CBLN2: variants seen among roughly 807,000 people sequenced by gnomAD.
The protein encoded by CBLN2 is cerebellin 2 precursor, also known as cerebellin-2.
CBLN2 carries 7 observed loss-of-function variants against 15.0 expected under a neutral mutation model. The ratio of observed to expected loss-of-function variants is 0.47; its 90% CI spans 0.27 to 0.88. The LOEUF (loss-of-function observed/expected upper bound fraction) is 0.88, where lower values mean the gene tolerates loss of function less well. Among genes scored for constraint, CBLN2 ranks in the 40% least tolerant of loss-of-function variants. The pLI is 0.14. For synonymous variants in CBLN2, 149 were observed against 135.2 expected (o/e 1.10, Z -0.71); for missense variants, 242 against 304.5 (o/e 0.79, Z 1.53).
intron 1 of CBLN2, chr18:72,638,260 TG>T (rs1223464466): frequency 5.0e-6 from 2 of 398,414 alleles, no homozygotes; most frequent in Non-Finnish European, 8.8e-6. Flanking sequence ...CCACAGTCTT[TG>T]GGAGCTGACC....
intron 1 of CBLN2, among the ~76,000 whole-genome samples, chr18:72,610,951 A>T (rs919200045): frequency 6.6e-6 from 1 of 151,798 alleles, no homozygotes; most frequent in South Asian, 2.1e-4. Flanking sequence ...GTCTGTGAGT[A>T]CCCCCTATTT....
chr18:72,628,514 A>T (rs564316274), intron 1 of CBLN2, among the ~76,000 whole-genome samples: 4 of 152,178 alleles, frequency 2.6e-5, no homozygotes, highest in Non-Finnish European at 5.9e-5. Context: ...CATTGGACGG[A>T]GATGGCCCGG....
At chr18:72,589,008 C>A (rs905049960) in intron 1 of CBLN2, among the ~76,000 whole-genome samples, 1 of 152,090 alleles carries the variant, frequency 6.6e-6, no homozygotes, top group African/African-American at 2.4e-5. Context: ...ATGAAATAAC[C>A]AAATACTGAA....
At chr18:72,553,100 T>C (rs1014543268) in intron 1 of CBLN2, among the ~76,000 whole-genome samples, 1 of 152,180 alleles carries the variant, frequency 6.6e-6, no homozygotes, top group African/African-American at 2.4e-5. Context: ...AAACATTGGA[T>C]TTTACAGAAT....
intron 1 of CBLN2, among the ~76,000 whole-genome samples, chr18:72,605,036 A>G (rs2069574223): frequency 6.6e-6 from 1 of 152,190 alleles, no homozygotes; most frequent in African/African-American, 2.4e-5. Context: ...TCTAGGAGAA[A>G]TGTCCCTCCA....
chr18:72,627,010 A>T (rs1375876644), intron 1 of CBLN2, among the ~76,000 whole-genome samples: 3 of 152,162 alleles, frequency 2.0e-5, no homozygotes, highest in Non-Finnish European at 1.5e-5. Flanking sequence ...TGGCTTTCCC[A>T]CTCAACGTTA....
At chr18:72,570,988 C>A (rs1268005571) in intron 1 of CBLN2, among the ~76,000 whole-genome samples, 3 of 151,716 alleles carry the variant, frequency 2.0e-5, no homozygotes, top group Admixed American at 1.3e-4. Context: ...TACCTTATAT[C>A]TCTCTCTATA....
At position 72,541,870 on chromosome 18, in the gene CBLN2, G is replaced by A; in HGVS notation, c.291C>T (p.Ala97=). Residue 97 remains alanine (A), a synonymous_variant, in exon 3 of 5, where the codon GCC becomes GCT. Transcript: ENST00000269503. The part of the protein sequence containing the change: ...RSGSAKVAFS[A]TRSTNHEPSE... ...ACGGCTCGTGGTTGGTGCTCCGCGTGGCGGAGAAGGCCACCTTGGCGCTGC... is the reference window on the plus strand; with the variant it reads ...ACGGCTCGTGGTTGGTGCTCCGCGTAGCGGAGAAGGCCACCTTGGCGCTGC... 1 of 1,604,810 alleles carries A rather than the reference G, an allele frequency of 6.2e-7. No homozygotes were observed. The highest frequency in any genetic ancestry group is 8.5e-7 in the Non-Finnish European group (1 of 1,177,640).
Position 72,542,053 on chromosome 18 carries a change from C to G in CBLN2, c.108G>C (p.Leu36=), listed in dbSNP as rs753790728. 6.3e-7 allele frequency: 1 copy of G among 1,582,238 alleles called. No homozygotes were observed. The highest frequency in any genetic ancestry group is 8.5e-7 in the Non-Finnish European group (1 of 1,173,806). ...CGGGCAGTAGCAGCAACAGCAGGGC[C>G]AGCGCCACCCCCAGGCAGGATCCGC... is the stretch of plus-strand genomic sequence containing the variant. ...GGCGSCLGVA[L]ALLLLLLPAC... is the part of the protein sequence containing the mutation. Residue 36 remains leucine, a synonymous_variant, in exon 3 of 5, where the codon CTG becomes CTC. Transcript: ENST00000269503.
At position 72,601,684 on chromosome 18, in the gene CBLN2, C is replaced by T. The variant is rs139639855; in HGVS notation, c.15+36641G>A. 5.8e-3 allele frequency among the ~76,000 whole-genome samples: 877 copies of T among 152,208 alleles called. 7 individuals carry two copies. Among genetic ancestry groups the T allele is most frequent in the Middle Eastern group, 0.027 (8 of 294 alleles). ...GCCTAACCCCTGACTGAAGTAAATT[C>T]CTTCCTTATCAGCAGCCCAAGACAG... On this transcript the variant is annotated intron_variant, in intron 1 of 2. Transcript: ENST00000581073.
At chr18:72,625,206 G>A (rs915391841) in intron 1 of CBLN2, 2 of 152,140 alleles carry the variant, frequency 1.3e-5, no homozygotes, top group African/African-American at 4.8e-5. Context: ...TCAGAGGGGT[G>A]AGAGGCACAT....
rs890929242 is a variant in CBLN2 at position 72,543,674 on chromosome 18, G to A, written c.-211-144C>T. On this transcript the variant is annotated intron_variant, in intron 1 of 4. Transcript: ENST00000269503. This position sits in a 1 kb window ranked among gnomAD's most constrained non-coding sequence, Gnocchi z 6.8. ...CTGCGCCGCTTCAGGGGTGCACCAC[G>A]CCCCGCGCGCCCGCTTAGGCGCCGC... 4.7e-5 allele frequency: 17 copies of A among 359,632 alleles called. No individual in the cohort carries two copies. The highest frequency in any genetic ancestry group is 3.4e-4 in the African/African-American group (16 of 47,228). The allele number at this position is 359,632 out of a possible 1,614,324, so 22.3% of individuals were successfully genotyped here. A position where few individuals can be genotyped will look rare whatever the true frequency, so the allele number is the denominator to read the frequency against.
chr18:72,565,064 A>G (rs1477862576), intron 1 of CBLN2, among the ~76,000 whole-genome samples: 1 of 152,232 alleles, frequency 6.6e-6, no homozygotes, highest in Non-Finnish European at 1.5e-5. Context: ...ATGAAGTAGA[A>G]ATAGTCTTCA....
At chr18:72,609,549 G>A (rs1342111207) in intron 1 of CBLN2, among the ~76,000 whole-genome samples, 2 of 152,134 alleles carry the variant, frequency 1.3e-5, no homozygotes, top group African/African-American at 4.8e-5. Context: ...CACCCAGACT[G>A]TGGTACTTTG....
intron 1 of CBLN2, among the ~76,000 whole-genome samples, chr18:72,626,655 G>A (rs535645772): frequency 6.6e-6 from 1 of 152,010 alleles, no homozygotes; most frequent in South Asian, 2.1e-4. Context: ...AGCCAAGATT[G>A]CACCACTGTA....
At chr18:72,638,030 T>C (rs2069825575) in intron 1 of CBLN2, among the ~76,000 whole-genome samples, 1 of 152,196 alleles carries the variant, frequency 6.6e-6, no homozygotes, top group Admixed American at 6.5e-5. Flanking sequence ...TTGGAGGGGT[T>C]GTGGAAATCG....
At chr18:72,596,248 T>C (rs907941425) in intron 1 of CBLN2, among the ~76,000 whole-genome samples, 2 of 152,066 alleles carry the variant, frequency 1.3e-5, no homozygotes, top group African/African-American at 4.8e-5. Context: ...GATTTGAAAC[T>C]GATGACAATT....
At chr18:72,548,873 T>C (rs2144879076), upstream of CBLN2, among the ~76,000 whole-genome samples, 1 of 152,186 alleles carries the variant, frequency 6.6e-6, no homozygotes, top group African/African-American at 2.4e-5. Context: ...GAGAAAAAGG[T>C]AGTGAAATTG....
chr18:72,546,175 C>T (rs892398862), upstream of CBLN2, among the ~76,000 whole-genome samples: 10 of 152,210 alleles, frequency 6.6e-5, no homozygotes, highest in South Asian at 2.1e-4. Flanking sequence ...CGGTGGTTCA[C>T]GCCTGTAATC....
Sources: gnomAD v4.1 joint callset for allele counts (sites outside exome capture counted in the v4.1 genomes callset) on GRCh38, gnomAD v4.1.1 for gene constraint, Gnocchi (gnomAD v3.1) non-coding constraint, MANE v1.5 for transcripts, NCBI Gene and HGNC (gene_info 2026-07-23, HGNC 2026-07-21) for gene names.